The following GNAQ variants were observed in gnomAD, a reference collection of about 807,000 sequenced individuals.
GNAQ encodes G protein subunit alpha q.
In GNAQ, 8 loss-of-function variants were observed where a neutral mutation model predicts 43.9. The observed-to-expected ratio is 0.18, with a 90% CI of 0.11 to 0.33. The LOEUF is 0.33. Ranked by LOEUF, GNAQ falls within the 10% of genes least tolerant of loss-of-function variation. GNAQ has a pLI of 1.00. For synonymous variants in GNAQ, 155 were observed against 170.7 expected (o/e 0.91, Z 0.71); for missense variants, 158 against 450.8 (o/e 0.35, Z 5.88).
At chr9:77,842,077 A>C (rs1827501224) in intron 2 of GNAQ, among the ~76,000 whole-genome samples, 1 of 152,242 alleles carries the variant, frequency 6.6e-6, no homozygotes, top group South Asian at 2.1e-4. Context: ...CAATAAATCA[A>C]ATCCCTCTAG....
At chr9:77,765,834 T>A (rs1826126347) in intron 5 of GNAQ, among the ~76,000 whole-genome samples, 1 of 152,226 alleles carries the variant, frequency 6.6e-6, no homozygotes, top group South Asian at 2.1e-4. Context: ...GGAACCCAAG[T>A]GTCCATTGGT....
chr9:77,857,554 G>C (rs1007395648), intron 2 of GNAQ, among the ~76,000 whole-genome samples: 1 of 141,362 alleles, frequency 7.1e-6, no homozygotes, highest in African/African-American at 2.6e-5. Context: ...GGGAGGGAGG[G>C]AGGGAAGGAA....
chr9:77,948,458 A>G (rs1346287745), intron 1 of GNAQ, among the ~76,000 whole-genome samples: 2 of 152,156 alleles, frequency 1.3e-5, no homozygotes, highest in African/African-American at 2.4e-5. Context: ...GGGACTACTC[A>G]GAAAGCGGGG....
At chr9:77,745,759 TAAAAAA>T (rs996519868) in intron 5 of GNAQ, among the ~76,000 whole-genome samples, 1 of 149,052 alleles carries the variant, frequency 6.7e-6, no homozygotes, top group East Asian at 2.0e-4. Flanking sequence ...TTCAGAAAAA[TAAAAAA>T]AGAATTAGTC....
At position 77,786,048 on chromosome 9, in the gene GNAQ, ATG is replaced by A. The variant is rs145051983; in HGVS notation, c.735+8413_735+8414del. ...TATAATAAAACTTGATACATGTCAC[ATG>A]TGTCATTAATATCAATGGGAAGGAG... On this transcript the variant is annotated intron_variant, in intron 5 of 6. Coordinates refer to ENST00000286548, the MANE Select transcript of GNAQ (RefSeq NM_002072.5). Among the ~76,000 whole-genome samples the A allele has an allele frequency of 5.1e-3, 784 of 152,352 alleles. 9 individuals are homozygous for A. Among genetic ancestry groups the A allele is most frequent in the African/African-American group, 0.018 (747 of 41,582 alleles).
At chr9:77,955,300 G>A (rs528320296) in intron 1 of GNAQ, among the ~76,000 whole-genome samples, 44 of 152,014 alleles carry the variant, frequency 2.9e-4, no homozygotes, top group Non-Finnish European at 4.0e-4. Flanking sequence ...CTGCCACTGC[G>A]CCCAGCTAAT....
chr9:77,931,313 C>T (rs1829146004), intron 1 of GNAQ, among the ~76,000 whole-genome samples: 1 of 152,032 alleles, frequency 6.6e-6, no homozygotes, highest in Non-Finnish European at 1.5e-5. Flanking sequence ...AGAACTCTCA[C>T]TGGGTGCGGT....
At chr9:77,837,074 G>A (rs1009659008) in intron 2 of GNAQ, among the ~76,000 whole-genome samples, 2 of 152,188 alleles carry the variant, frequency 1.3e-5, no homozygotes, top group East Asian at 1.9e-4. Flanking sequence ...GAAATTCAGT[G>A]GCTCTTCTTC....
chr9:77,818,859 G>A (rs1827062031), intron 2 of GNAQ, among the ~76,000 whole-genome samples: 1 of 151,752 alleles, frequency 6.6e-6, no homozygotes, highest in South Asian at 2.1e-4. Flanking sequence ...AATTAGCTGA[G>A]CGTGGTGGTA....
intron 5 of GNAQ, among the ~76,000 whole-genome samples, chr9:77,747,891 CTT>C (rs1451057767): frequency 6.6e-6 from 1 of 152,214 alleles, no homozygotes; most frequent in African/African-American, 2.4e-5. Context: ...GAGATAAAGA[CTT>C]AAGTTTGAAT....
rs1237839052 is a variant in GNAQ, at chr9:77,720,092, G to C, written c.*1231C>G. The C allele has an allele frequency of 4.3e-6, 1 of 232,772 alleles. No homozygotes were observed. Among genetic ancestry groups the C allele is most frequent in the South Asian group, 1.8e-4 (1 of 5,510 alleles). 14.4% of individuals were successfully genotyped at this position (232,772 alleles called of 1,614,324 possible). A position where few individuals can be genotyped will look rare whatever the true frequency, so the allele number is the denominator to read the frequency against. The stretch of plus-strand genomic sequence containing the variant: ...CACACAGGATACTTTTTACATTGCC[G>C]GTTTGGACACTGAACATGGGACGTG... On this transcript the variant is annotated 3_prime_UTR_variant, in exon 7 of 7. Coordinates refer to ENST00000286548, the MANE Select transcript of GNAQ (RefSeq NM_002072.5).
intron 2 of GNAQ, among the ~76,000 whole-genome samples, chr9:77,878,962 C>T (rs1295361737): frequency 1.3e-5 from 2 of 152,010 alleles, no homozygotes; most frequent in Non-Finnish European, 2.9e-5. Flanking sequence ...AAGAGAATCG[C>T]TTGAACTCAG....
chr9:77,797,731 T>C (rs2118457612), intron 3 of GNAQ, 83 bp from the exon 4 acceptor site: 1 of 1,230,502 alleles, frequency 8.1e-7, no homozygotes, highest in Non-Finnish European at 1.2e-6. Context: ...CAAAAATGAG[T>C]CCTAACAGAG....
chr9:77,814,839 A>T (rs935821501), intron 3 of GNAQ, among the ~76,000 whole-genome samples: 1 of 152,248 alleles, frequency 6.6e-6, no homozygotes, highest in Admixed American at 6.5e-5. Flanking sequence ...GTACACAGAA[A>T]CCTGGCTAAA....
intron 1 of GNAQ, among the ~76,000 whole-genome samples, chr9:77,954,399 T>C (rs542410227): frequency 3.3e-5 from 5 of 152,314 alleles, no homozygotes; most frequent in South Asian, 4.1e-4. Flanking sequence ...AGCACCACCA[T>C]AGTACGGCTT....
chr9:78,022,170 C>A (rs1823919344), intron 1 of GNAQ, among the ~76,000 whole-genome samples: 1 of 152,298 alleles, frequency 6.6e-6, no homozygotes, highest in South Asian at 2.1e-4. Flanking sequence ...AAGGAGCCCA[C>A]CAGACCTGGC....
chr9:77,860,071 G>T (rs1386554726), intron 2 of GNAQ, among the ~76,000 whole-genome samples: 1 of 152,104 alleles, frequency 6.6e-6, no homozygotes, highest in Non-Finnish European at 1.5e-5. Flanking sequence ...GGCGTCTAAC[G>T]TCTCCATTTA....
At chr9:77,862,984 G>C (rs1262868349) in intron 2 of GNAQ, among the ~76,000 whole-genome samples, 1 of 152,092 alleles carries the variant, frequency 6.6e-6, no homozygotes, top group African/African-American at 2.4e-5. Flanking sequence ...TTTGAGACCA[G>C]CCTGACCAAC....
At chr9:77,781,044 C>A (rs1166693553) in intron 5 of GNAQ, among the ~76,000 whole-genome samples, 1 of 148,176 alleles carries the variant, frequency 6.7e-6, no homozygotes, top group Non-Finnish European at 1.5e-5. Context: ...CGGATATTTT[C>A]TCCTATCCAG....
Sources: gnomAD v4.1 joint callset for allele counts (sites outside exome capture counted in the v4.1 genomes callset) on GRCh38, gnomAD v4.1.1 for gene constraint, MANE v1.5 for transcripts, NCBI Gene and HGNC (gene_info 2026-07-23, HGNC 2026-07-21) for gene names.